RND3: variants seen among roughly 807,000 people sequenced by gnomAD.
The protein encoded by RND3 is rho-related GTP-binding protein RhoE.
A neutral mutation model predicts 26.5 loss-of-function variants in RND3; 8 were observed. The ratio of observed to expected loss-of-function variants is 0.30; its 90% CI spans 0.18 to 0.54. RND3 has a LOEUF of 0.54. Among genes scored for constraint, RND3 ranks in the 20% least tolerant of loss-of-function variants. RND3 has a pLI of 0.94. For missense variants in RND3, 207 were observed against 302.8 expected (o/e 0.68, Z 2.35); for synonymous variants, 113 against 113.0 (o/e 1.00, Z 0.00).
intron 3 of RND3, among the ~76,000 whole-genome samples, chr2:150,477,497 C>A (rs1363453800): frequency 6.6e-6 from 1 of 152,120 alleles, no homozygotes; most frequent in African/African-American, 2.4e-5. Flanking sequence ...GCTGGGAATA[C>A]CCCTCCCCCC....
chr2:150,474,655 A>C (rs1453500595), intron 4 of RND3, among the ~76,000 whole-genome samples: 1 of 152,222 alleles, frequency 6.6e-6, no homozygotes, highest in Non-Finnish European at 1.5e-5. Flanking sequence ...GAAGGCCCTT[A>C]AAAGGTATTT....
intron 3 of RND3, among the ~76,000 whole-genome samples, chr2:150,476,855 A>G (rs1442089502): frequency 6.6e-6 from 1 of 152,206 alleles, no homozygotes; most frequent in Admixed American, 6.5e-5. Flanking sequence ...ATGGTTGAAC[A>G]CTATTTATGG....
rs1343928545 is a variant in RND3, at chr2:150,486,666, A to G, written c.238+28T>C. The stretch of plus-strand genomic sequence containing the variant: ...CCCCCAGCGACTGGAAACCCGCCCC[A>G]AGCGCCACGCGGTCCTCCCACTCTT... On this transcript the variant is annotated intron_variant, in intron 3 of 5. Coordinates refer to ENST00000263895, the MANE Select transcript of RND3 (RefSeq NM_005168.5). This position sits in a 1 kb window ranked among gnomAD's most constrained non-coding sequence, Gnocchi z 4.5. 7 of 1,527,026 alleles carry G rather than the reference A, an allele frequency of 4.6e-6. No individual in the cohort carries two copies. In the East Asian group the frequency reaches 1.4e-4, roughly 29 times the overall value. 94.6% of individuals were successfully genotyped at this position (1,527,026 alleles called of 1,614,324 possible). A position where few individuals can be genotyped will look rare whatever the true frequency, so the allele number is the denominator to read the frequency against.
chr2:150,470,752 G>A (rs13423946), intron 5 of RND3, among the ~76,000 whole-genome samples: 3,806 of 152,256 alleles, frequency 0.025, 68 homozygotes, highest in Non-Finnish European at 0.04. Flanking sequence ...AGCTCTGGCC[G>A]TGGCGATGTG....
chr2:150,480,202 T>G (rs539590833), intron 3 of RND3, among the ~76,000 whole-genome samples: 27 of 152,214 alleles, frequency 1.8e-4, no homozygotes, highest in Non-Finnish European at 3.5e-4. Context: ...AGTTTTTGTT[T>G]CATATGATAT....
intron 3 of RND3, among the ~76,000 whole-genome samples, chr2:150,478,556 C>T (rs1260479760): frequency 2.5e-5 from 3 of 122,132 alleles, no homozygotes; most frequent in African/African-American, 3.4e-5. Flanking sequence ...AAAAGTCTTA[C>T]AACACCCTGT....
chr2:150,482,824 C>A (rs1573956866), intron 3 of RND3, among the ~76,000 whole-genome samples: 1 of 152,086 alleles, frequency 6.6e-6, no homozygotes. Context: ...ACATTGCAAC[C>A]AAGTGGAAAA....
chr2:150,471,832 C>G (rs1442831634), intron 4 of RND3, 71 bp from the exon 5 acceptor site: 2 of 1,264,990 alleles, frequency 1.6e-6, no homozygotes, highest in East Asian at 2.4e-5. Flanking sequence ...AACCATTTCT[C>G]CACTGGCTGA....
rs756143357 is a variant in RND3 at position 150,486,669 on chromosome 2, C to T, written c.238+25G>A. The T allele has an allele frequency of 1.3e-6, 2 of 1,542,236 alleles. No homozygotes were observed. Among genetic ancestry groups the T allele is most frequent in the Non-Finnish European group, 1.8e-6 (2 of 1,114,500 alleles). On this transcript the variant is annotated intron_variant, in intron 3 of 5. Coordinates refer to ENST00000263895, the MANE Select transcript of RND3 (RefSeq NM_005168.5). The surrounding 1 kb of genome is among the most constrained non-coding windows in gnomAD (Gnocchi z 4.5). The stretch of plus-strand genomic sequence containing the variant: ...CCAGCGACTGGAAACCCGCCCCAAG[C>T]GCCACGCGGTCCTCCCACTCTTACC...
chr2:150,474,114 G>C (rs576154698), intron 4 of RND3, among the ~76,000 whole-genome samples: 2 of 152,280 alleles, frequency 1.3e-5, no homozygotes, highest in South Asian at 4.1e-4. Context: ...TGGAGGCTGA[G>C]TCTCAACTGC....
chr2:150,479,650 A>G (rs950436068), intron 3 of RND3, among the ~76,000 whole-genome samples: 2 of 152,324 alleles, frequency 1.3e-5, no homozygotes, highest in South Asian at 4.1e-4. Context: ...GTGAGAGGGC[A>G]TGATCTGCCC....
Position 150,471,776 on chromosome 2 carries a change from A to G in RND3, c.349-15T>C. ...TCACCTTTCCACTATGAAAGAAAAA[A>G]AAAAAAGATTAAAAATGAACAAAGT... On this transcript the variant is annotated splice_polypyrimidine_tract_variant and intron_variant, in intron 4 of 5. Transcript: ENST00000263895. 6.3e-7 allele frequency: 1 copy of G among 1,595,678 alleles called. No individual in the cohort carries two copies. Among genetic ancestry groups the G allele is most frequent in the Non-Finnish European group, 8.6e-7 (1 of 1,168,250 alleles).
chr2:150,483,083 T>C (rs1158238314), intron 3 of RND3, among the ~76,000 whole-genome samples: 3 of 152,186 alleles, frequency 2.0e-5, no homozygotes, highest in East Asian at 3.9e-4. Flanking sequence ...TAAGTTACTG[T>C]GCCTTAAAAA....
chr2:150,484,448 C>G (rs902083049), intron 3 of RND3, among the ~76,000 whole-genome samples: 1 of 152,214 alleles, frequency 6.6e-6, no homozygotes, highest in Non-Finnish European at 1.5e-5. Flanking sequence ...ACTCTTGAAG[C>G]TTGAGATAGG....
intron 3 of RND3, among the ~76,000 whole-genome samples, chr2:150,478,578 G>GAAAAAA (rs752844515): frequency 1.3e-4 from 10 of 74,174 alleles, no homozygotes; most frequent in African/African-American, 1.9e-4. Context: ...AAGCCAAACG[G>GAAAAAA]CAAAAAAAAA....
chr2:150,478,620 A>C (rs2105220064), intron 3 of RND3, among the ~76,000 whole-genome samples: 1 of 150,432 alleles, frequency 6.6e-6, no homozygotes, highest in African/African-American at 2.5e-5. Flanking sequence ...GGTGTTTTTA[A>C]AAGATGCACA....
intron 3 of RND3, among the ~76,000 whole-genome samples, chr2:150,482,982 T>C (rs1686300728): frequency 1.3e-5 from 2 of 152,130 alleles, no homozygotes; most frequent in Admixed American, 1.3e-4. Context: ...ATTAACACTG[T>C]ATCTCTAAGG....
intron 3 of RND3, among the ~76,000 whole-genome samples, chr2:150,482,827 G>T (rs1686298420): frequency 6.6e-6 from 1 of 152,098 alleles, no homozygotes; most frequent in Admixed American, 6.6e-5. Flanking sequence ...TTGCAACCAA[G>T]TGGAAAAGGG....
chr2:150,487,652 A>G lies in RND3; in HGVS notation c.-142T>C, dbSNP rs1206388683. 1 of 154,862 alleles carries G rather than the reference A, an allele frequency of 6.5e-6. No homozygotes were observed. Among genetic ancestry groups the G allele is most frequent in the Non-Finnish European group, 1.4e-5 (1 of 70,068 alleles). The allele number at this position is 154,862 out of a possible 1,614,324, so 9.6% of individuals were successfully genotyped here. ...CTCCTCACCGCGCCTCCCAAGTCCA[A>G]TTCCGAGCCGACTGCTTTGTTTCAC... On this transcript the variant is annotated 5_prime_UTR_variant, in exon 1 of 6. Transcript: ENST00000263895.
Sources: gnomAD v4.1 joint callset for allele counts (sites outside exome capture counted in the v4.1 genomes callset) on GRCh38, gnomAD v4.1.1 for gene constraint, Gnocchi (gnomAD v3.1) non-coding constraint, MANE v1.5 for transcripts, NCBI Gene and HGNC (gene_info 2026-07-23, HGNC 2026-07-21) for gene names.